Variants in ARHGAP24 observed in about 807,000 individuals in gnomAD.
The protein encoded by ARHGAP24 is Rho GTPase activating protein 24.
A neutral mutation model predicts 76.4 loss-of-function variants in ARHGAP24; 50 were observed. The ratio of observed to expected loss-of-function variants is 0.65; its 90% CI spans 0.52 to 0.83. The LOEUF (loss-of-function observed/expected upper bound fraction) is 0.83, where lower values mean the gene tolerates loss of function less well. ARHGAP24 is among the 40% of genes least tolerant of loss of function. The pLI is 0.00. For synonymous variants in ARHGAP24, 345 were observed against 323.3 expected, an observed-to-expected ratio of 1.07 and a Z score of -0.72; for missense variants, 930 against 914.2, an observed-to-expected ratio of 1.02 and a Z score of -0.22.
intron 1 of ARHGAP24, among the ~76,000 whole-genome samples, chr4:85,529,103 A>G (rs959479809): frequency 2.6e-5 from 4 of 152,036 alleles, no homozygotes; most frequent in African/African-American, 9.7e-5. Flanking sequence ...GTGGTACATC[A>G]GAGTACAAAT....
intron 8 of ARHGAP24, among the ~76,000 whole-genome samples, chr4:85,987,703 A>C (rs1189489746): frequency 6.6e-6 from 1 of 152,040 alleles, no homozygotes; most frequent in African/African-American, 2.4e-5. Context: ...GCAGGTTAGG[A>C]GAAAACTTAA....
At chr4:85,924,693 A>G (rs1735920289) in intron 4 of ARHGAP24, 1 of 151,728 alleles carries the variant, frequency 6.6e-6, no homozygotes, top group Admixed American at 6.6e-5. Flanking sequence ...AGGCTGACTG[A>G]CCATTTTATA....
intron 3 of ARHGAP24, among the ~76,000 whole-genome samples, chr4:85,808,427 T>A (rs1728881224): frequency 6.6e-6 from 1 of 152,242 alleles, no homozygotes; most frequent in Admixed American, 6.5e-5. Flanking sequence ...TACATCTTAT[T>A]CTTTTCAATA....
At chr4:85,982,840 G>A (rs757615194) in intron 8 of ARHGAP24, among the ~76,000 whole-genome samples, 3 of 152,084 alleles carry the variant, frequency 2.0e-5, no homozygotes, top group Non-Finnish European at 2.9e-5. Flanking sequence ...CATGTGCCAT[G>A]GTGATTTGCT....
intron 2 of ARHGAP24, among the ~76,000 whole-genome samples, chr4:85,671,975 G>T (rs924958003): frequency 1.3e-5 from 2 of 151,980 alleles, no homozygotes; most frequent in South Asian, 2.1e-4. Context: ...ATCGTTTTGG[G>T]CCCCAAGCTT....
At chr4:85,563,684 C>T (rs1470366567) in intron 1 of ARHGAP24, among the ~76,000 whole-genome samples, 1 of 152,136 alleles carries the variant, frequency 6.6e-6, no homozygotes, top group Non-Finnish European at 1.5e-5. Flanking sequence ...CTAACTTCTG[C>T]TATAGGTAGT....
chr4:85,690,498 T>A (rs1406540751), intron 2 of ARHGAP24, among the ~76,000 whole-genome samples: 1 of 152,182 alleles, frequency 6.6e-6, no homozygotes, highest in Non-Finnish European at 1.5e-5. Context: ...GAACTTGATA[T>A]TGGTCTATTT....
At chr4:85,510,223 C>T (rs958456150) in intron 1 of ARHGAP24, among the ~76,000 whole-genome samples, 47 of 152,198 alleles carry the variant, frequency 3.1e-4, no homozygotes, top group African/African-American at 1.0e-3. Context: ...GAGTATTTTC[C>T]TCCATTGGGT....
At chr4:85,886,089 A>G (rs1733551541) in intron 3 of ARHGAP24, among the ~76,000 whole-genome samples, 2 of 152,158 alleles carry the variant, frequency 1.3e-5, no homozygotes, top group African/African-American at 4.8e-5. Flanking sequence ...GATTGTATCC[A>G]GATTTATCTT....
At chr4:85,992,547 AG>A (rs1243029883) in intron 8 of ARHGAP24, among the ~76,000 whole-genome samples, 1 of 152,148 alleles carries the variant, frequency 6.6e-6, no homozygotes, top group Non-Finnish European at 1.5e-5. Flanking sequence ...GATAGGAAAA[AG>A]GTCCATTTTC....
At chr4:85,928,291 T>C (rs920551307) in intron 4 of ARHGAP24, among the ~76,000 whole-genome samples, 10 of 151,802 alleles carry the variant, frequency 6.6e-5, no homozygotes, top group African/African-American at 2.4e-4. Flanking sequence ...CACTCTCCTT[T>C]CCTTTCTTCC....
intron 1 of ARHGAP24, among the ~76,000 whole-genome samples, chr4:85,552,328 G>A (rs563647279): frequency 6.8e-4 from 104 of 152,198 alleles, no homozygotes; most frequent in African/African-American, 2.4e-3. Context: ...GTAATTATAT[G>A]GTTTTGAGTG....
chr4:85,498,234 C>T (rs1281369596), intron 1 of ARHGAP24, among the ~76,000 whole-genome samples: 1 of 152,132 alleles, frequency 6.6e-6, no homozygotes, highest in East Asian at 1.9e-4. Flanking sequence ...ATTAAGGACA[C>T]AGTAAAATAA....
At chr4:85,591,030 G>GTTTTTTT (rs1560544158) in intron 2 of ARHGAP24, among the ~76,000 whole-genome samples, 33 of 121,870 alleles carry the variant, frequency 2.7e-4, no homozygotes, top group African/African-American at 1.0e-3. Context: ...AAATCTGCTG[G>GTTTTTTT]GTTTTTTTTT....
chr4:85,499,234 G>A (rs1436649926), intron 1 of ARHGAP24, among the ~76,000 whole-genome samples: 1 of 152,194 alleles, frequency 6.6e-6, no homozygotes, highest in African/African-American at 2.4e-5. Context: ...TAAAATAAAT[G>A]TATGACCTTC....
intron 1 of ARHGAP24, among the ~76,000 whole-genome samples, chr4:85,529,984 G>A (rs865947457): frequency 5.9e-5 from 9 of 151,876 alleles, no homozygotes; most frequent in Admixed American, 3.9e-4. Context: ...AGATACTAGA[G>A]TGATATTCAA....
At chr4:85,539,214 A>T (rs896399190) in intron 1 of ARHGAP24, among the ~76,000 whole-genome samples, 1 of 152,208 alleles carries the variant, frequency 6.6e-6, no homozygotes, top group African/African-American at 2.4e-5. Flanking sequence ...AGGAATGAAG[A>T]TAAAATGGTT....
chr4:85,896,825 G>T (rs770166416), intron 3 of ARHGAP24, among the ~76,000 whole-genome samples: 1 of 152,072 alleles, frequency 6.6e-6, no homozygotes, highest in Admixed American at 6.6e-5. Flanking sequence ...ATGTAGATTG[G>T]TCTGGGTTGC....
intron 2 of ARHGAP24, among the ~76,000 whole-genome samples, chr4:85,692,036 C>T (rs1414846151): frequency 6.6e-6 from 1 of 152,144 alleles, no homozygotes; most frequent in East Asian, 1.9e-4. Context: ...GAAATGAATT[C>T]CCTCAGGATT....
Sources: allele counts gnomAD v4.1 joint callset (sites outside exome capture counted in the v4.1 genomes callset), GRCh38; gene constraint gnomAD v4.1.1; transcripts MANE v1.5; gene names NCBI Gene and HGNC (gene_info 2026-07-23, HGNC 2026-07-21).